Variants in OSMR observed in about 807,000 individuals in gnomAD.
OSMR encodes oncostatin-M-specific receptor subunit beta.
A neutral mutation model predicts 99.9 loss-of-function variants in OSMR; 81 were observed. The observed-to-expected ratio is 0.81, with a 90% CI of 0.68 to 0.97. The LOEUF (loss-of-function observed/expected upper bound fraction) is 0.97. OSMR is among the 50% of genes least tolerant of loss of function. The pLI is 0.00. For synonymous variants in OSMR, 406 were observed against 410.4 expected, an observed-to-expected ratio of 0.99 and a Z score of 0.13; for missense variants, 1,099 against 1,153.4, an observed-to-expected ratio of 0.95 and a Z score of 0.68.
Position 38,918,985 on chromosome 5 carries a change from A to G in OSMR, c.1508A>G (p.Gln503Arg). Residue 503 changes from glutamine to arginine, a missense_variant, in exon 11 of 18, where the codon CAA (glutamine) becomes CGA (arginine). Gln to Arg is a conservative substitution (Grantham distance 43). Transcript: ENST00000274276. ...CTAATCCTTGACAGGTGTTCCTACCAAATCTGCGTCATAGCCAACAACAGT... is the reference window on the plus strand; with the variant it reads ...CTAATCCTTGACAGGTGTTCCTACCGAATCTGCGTCATAGCCAACAACAGT... The part of the protein sequence containing the change: ...TKLILDRCSY[Q>R]ICVIANNSVG... 2 of 1,614,184 alleles carry G rather than the reference A, an allele frequency of 1.2e-6. No homozygotes were observed. The highest frequency in any genetic ancestry group is 1.7e-6 in the Non-Finnish European group (2 of 1,180,020).
chr5:38,918,718 G>C (rs1320512269), intron 10 of OSMR, 122 bp from the exon 11 acceptor site: 3 of 1,517,786 alleles, frequency 2.0e-6, no homozygotes, highest in East Asian at 4.9e-5. Flanking sequence ...CTATTAAGCT[G>C]TTTGAATTTT....
intron 7 of OSMR, among the ~76,000 whole-genome samples, chr5:38,886,899 A>G (rs936727787): frequency 2.6e-5 from 4 of 152,288 alleles, no homozygotes; most frequent in African/African-American, 9.6e-5. Flanking sequence ...AACTTACAGG[A>G]TAAGGTCAAG....
intron 1 of OSMR, among the ~76,000 whole-genome samples, chr5:38,848,650 A>G (rs1740079387): frequency 6.6e-6 from 1 of 152,216 alleles, no homozygotes; most frequent in South Asian, 2.1e-4. Context: ...ATACATACAT[A>G]TACATATGTT....
Position 38,881,749 on chromosome 5 carries a change from T to C in OSMR, c.403T>C (p.Trp135Arg), listed in dbSNP as rs1425712692. ...EPNFWSNWSSWEEVSVQDSTG... is the reference protein window; with the variant it reads ...EPNFWSNWSSREEVSVQDSTG... ...AAATTTCTGGAGCAACTGGAGTTCCTGGGAGGAAGTCAGTGGTAAGAAGTG... is the reference window on the plus strand; with the variant it reads ...AAATTTCTGGAGCAACTGGAGTTCCCGGGAGGAAGTCAGTGGTAAGAAGTG... The change falls in exon 4 of 18, where the codon TGG becomes CGG. Residue 135 changes from tryptophan (W) to arginine (R), a missense_variant. Coordinates refer to ENST00000274276, the MANE Select transcript of OSMR (RefSeq NM_003999.3). The C allele has an allele frequency of 6.2e-7, 1 of 1,613,964 alleles. No homozygotes were observed. Among genetic ancestry groups the C allele is most frequent in the East Asian group, 2.2e-5 (1 of 44,896 alleles).
At chr5:38,861,179 G>T (rs1340177177) in intron 1 of OSMR, among the ~76,000 whole-genome samples, 1 of 151,956 alleles carries the variant, frequency 6.6e-6, no homozygotes, top group Admixed American at 6.6e-5. Flanking sequence ...GGGGGATTTG[G>T]CAGGGTCATA....
chr5:38,931,642 GAGAT>G (rs1455105059), intron 15 of OSMR: 5 of 231,218 alleles, frequency 2.2e-5, no homozygotes, highest in Admixed American at 6.5e-5. Context: ...TCTATCAGAA[GAGAT>G]AGATAGTAAC....
chr5:38,932,099 G>C, intron 16 of OSMR, 135 bp downstream of exon 16: 1 of 743,900 alleles, frequency 1.3e-6, no homozygotes, highest in Non-Finnish European at 2.3e-6. Context: ...AGGCTGGGGT[G>C]AGAGTATGTA....
At chr5:38,906,096 G>C (rs1745210990) in intron 9 of OSMR, among the ~76,000 whole-genome samples, 1 of 151,848 alleles carries the variant, frequency 6.6e-6, no homozygotes, top group African/African-American at 2.4e-5. Flanking sequence ...GGAAGGCCCT[G>C]TTCCTGAGAG....
At chr5:38,915,309 T>C (rs181402020) in intron 9 of OSMR, among the ~76,000 whole-genome samples, 56 of 152,342 alleles carry the variant, frequency 3.7e-4, no homozygotes, top group Admixed American at 9.8e-4. Context: ...TTTTGAAATA[T>C]AGTAAACCCT....
chr5:38,866,705 C>T (rs543457173), intron 1 of OSMR, among the ~76,000 whole-genome samples: 1 of 151,504 alleles, frequency 6.6e-6, no homozygotes, highest in South Asian at 2.1e-4. Context: ...CAATATGGTC[C>T]TGTGCTGATG....
chr5:38,849,561 A>G (rs1468931128), intron 1 of OSMR, among the ~76,000 whole-genome samples: 4 of 152,170 alleles, frequency 2.6e-5, no homozygotes, highest in South Asian at 2.1e-4. Flanking sequence ...GTGCTTTTTA[A>G]AACAACTTTT....
intron 7 of OSMR, among the ~76,000 whole-genome samples, chr5:38,900,849 G>A (rs564127342): frequency 1.4e-4 from 21 of 152,296 alleles, no homozygotes; most frequent in Middle Eastern, 3.4e-3. Flanking sequence ...TCAGGCATTG[G>A]TGTAAGAGAG....
chr5:38,922,744 A>G (rs1261908132), intron 12 of OSMR, among the ~76,000 whole-genome samples: 1 of 152,164 alleles, frequency 6.6e-6, no homozygotes, highest in Non-Finnish European at 1.5e-5. Flanking sequence ...AAAGCCAATT[A>G]TTAGGGGAGC....
chr5:38,894,702 ACTT>A (rs145726649), intron 7 of OSMR, among the ~76,000 whole-genome samples: 8,917 of 152,142 alleles, frequency 0.059, 337 homozygotes, highest in South Asian at 0.17. Context: ...TAAAACAAGT[ACTT>A]CTTATTTTAT....
In OSMR at chr5:38,868,987, T is replaced by C. The variant is rs938870472; in HGVS notation, c.-13-45T>C. On this transcript the variant is annotated intron_variant, in intron 1 of 17. Coordinates refer to ENST00000274276, the MANE Select transcript of OSMR (RefSeq NM_003999.3). ...TTGGCTCGAAGAAATTTGCCAGTAT[T>C]GAAAATTAAATAAAATTTTCCTTCT... 5 of 1,600,004 alleles carry C rather than the reference T, an allele frequency of 3.1e-6. No homozygotes were observed. In the Admixed American group the frequency reaches 8.4e-5, roughly 27 times the overall value.
chr5:38,945,142 A>G (rs1748046956), downstream of OSMR: 1 of 1,025,658 alleles, frequency 9.7e-7, no homozygotes, highest in African/African-American at 1.6e-5. Context: ...GCATGCTAAA[A>G]AGAAATAATA....
intron 17 of OSMR, 43 bp downstream of exon 17, chr5:38,932,578 G>C: frequency 6.3e-7 from 1 of 1,584,324 alleles, no homozygotes; most frequent in African/African-American, 1.3e-5. Context: ...ACCTATTAAG[G>C]ACTAACCCAG....
chr5:38,887,018 A>G (rs1743824391), intron 7 of OSMR, among the ~76,000 whole-genome samples: 1 of 152,204 alleles, frequency 6.6e-6, no homozygotes, highest in African/African-American at 2.4e-5. Flanking sequence ...AAATGGCTAT[A>G]AAATGGTATT....
At chr5:38,913,315 C>T (rs867031246) in intron 9 of OSMR, among the ~76,000 whole-genome samples, 60 of 151,874 alleles carry the variant, frequency 4.0e-4, no homozygotes, top group African/African-American at 1.4e-3. Context: ...TTTGGGAGGC[C>T]GAGGCAGGAG....
Sources: allele counts gnomAD v4.1 joint callset (sites outside exome capture counted in the v4.1 genomes callset), GRCh38; gene constraint gnomAD v4.1.1; transcripts MANE v1.5; gene names NCBI Gene and HGNC (gene_info 2026-07-23, HGNC 2026-07-21).